The following VEPH1 variants were observed in gnomAD, a reference collection of about 807,000 sequenced individuals.
VEPH1 encodes the protein ventricular zone expressed PH domain containing 1, also known as ventricular zone-expressed PH domain-containing protein homolog 1.
In VEPH1, 80 loss-of-function variants were observed where a neutral mutation model predicts 85.2. The ratio of observed to expected loss-of-function variants is 0.94; its 90% CI spans 0.78 to 1.13. VEPH1 has a LOEUF of 1.13. VEPH1 is among the 50% of genes most tolerant of loss of function. VEPH1 has a pLI of 0.00. For synonymous variants in VEPH1, 297 were observed against 348.0 expected, an observed-to-expected ratio of 0.85 and a Z score of 1.63; for missense variants, 955 against 980.5, an observed-to-expected ratio of 0.97 and a Z score of 0.35.
At chr3:157,437,088 T>G in intron 4 of VEPH1, 1 of 1,610,924 alleles carries the variant, frequency 6.2e-7, no homozygotes. Context: ...ACTGTTTCTC[T>G]GCTAACCCTG....
intron 9 of VEPH1, among the ~76,000 whole-genome samples, chr3:157,332,737 C>A (rs1415687199): frequency 6.6e-6 from 1 of 152,106 alleles, no homozygotes; most frequent in African/African-American, 2.4e-5. Context: ...CACTTGTTTT[C>A]AATTCTTTGG....
chr3:157,381,116 G>A, intron 7 of VEPH1, 40 bp downstream of exon 7: 1 of 1,602,680 alleles, frequency 6.2e-7, no homozygotes, highest in Non-Finnish European at 8.5e-7. Flanking sequence ...CCCCACAGGT[G>A]CACAGCAGCT....
chr3:157,361,071 T>C (rs1726001766), intron 9 of VEPH1, among the ~76,000 whole-genome samples: 1 of 152,212 alleles, frequency 6.6e-6, no homozygotes, highest in Non-Finnish European at 1.5e-5. Context: ...ACTTAATCTC[T>C]CTTATATTAA....
intron 6 of VEPH1, among the ~76,000 whole-genome samples, chr3:157,399,654 G>T (rs980301832): frequency 6.6e-6 from 1 of 151,994 alleles, no homozygotes. Context: ...AGTATGCCAC[G>T]CAGACAAGAA....
intron 4 of VEPH1, among the ~76,000 whole-genome samples, chr3:157,434,470 C>A (rs1224450955): frequency 6.6e-6 from 1 of 152,032 alleles, no homozygotes; most frequent in African/African-American, 2.4e-5. Flanking sequence ...TATCACCACA[C>A]CAGATTAATT....
At chr3:157,330,771 T>C (rs1465637071) in intron 9 of VEPH1, among the ~76,000 whole-genome samples, 1 of 152,012 alleles carries the variant, frequency 6.6e-6, no homozygotes, top group African/African-American at 2.4e-5. Context: ...CCATGGCAGG[T>C]TTTGCCCCAG....
At chr3:157,327,402 G>A (rs897950975) in intron 9 of VEPH1, among the ~76,000 whole-genome samples, 17 of 152,106 alleles carry the variant, frequency 1.1e-4, no homozygotes, top group Non-Finnish European at 2.5e-4. Flanking sequence ...ACTACCCAGT[G>A]GTTGGTTGCT....
At chr3:157,312,001 A>C (rs1463294193) in intron 11 of VEPH1, among the ~76,000 whole-genome samples, 1 of 152,242 alleles carries the variant, frequency 6.6e-6, no homozygotes, top group Non-Finnish European at 1.5e-5. Flanking sequence ...GAGCATTACA[A>C]ATAAACTTCT....
At chr3:157,294,554 T>C (rs1717898985) in intron 11 of VEPH1, among the ~76,000 whole-genome samples, 1 of 152,216 alleles carries the variant, frequency 6.6e-6, no homozygotes, top group Admixed American at 6.5e-5. Context: ...CACCTAACCA[T>C]TTCCTTAGTG....
chr3:157,389,419 G>A (rs991210632), intron 6 of VEPH1, among the ~76,000 whole-genome samples: 1 of 152,160 alleles, frequency 6.6e-6, no homozygotes, highest in Non-Finnish European at 1.5e-5. Flanking sequence ...CAGTATGAGA[G>A]CTGAACCAAG....
At chr3:157,365,710 T>C (rs1373575803) in intron 7 of VEPH1, among the ~76,000 whole-genome samples, 2 of 152,056 alleles carry the variant, frequency 1.3e-5, no homozygotes, top group African/African-American at 2.4e-5. Flanking sequence ...TATTATTGGG[T>C]TTATTATAAA....
At chr3:157,365,932 C>T (rs1450349854) in intron 7 of VEPH1, among the ~76,000 whole-genome samples, 2 of 152,144 alleles carry the variant, frequency 1.3e-5, no homozygotes, top group African/African-American at 4.8e-5. Flanking sequence ...GCGGTTAACT[C>T]GATCTTCAGC....
intron 9 of VEPH1, among the ~76,000 whole-genome samples, chr3:157,345,743 C>A (rs145632016): frequency 1.3e-5 from 2 of 152,100 alleles, no homozygotes; most frequent in South Asian, 4.2e-4. Context: ...ATGTTCATTG[C>A]GGCACTATTC....
At position 157,378,306 on chromosome 3, in the gene VEPH1, GTATATATATATATATA is replaced by G. The variant is rs56800722; in HGVS notation, c.1127+2834_1127+2849del. Among the ~76,000 whole-genome samples, 577 of 94,586 alleles carry G rather than the reference GTATATATATATATATA, an allele frequency of 6.1e-3. 1 individual carries two copies. Among genetic ancestry groups the G allele is most frequent in the East Asian group, 8.4e-3 (28 of 3,336 alleles). 62.1% of individuals were successfully genotyped at this position (94,586 alleles called of 152,430 possible). A position where few individuals can be genotyped will look rare whatever the true frequency, so the allele number is the denominator to read the frequency against. On this transcript the variant is annotated intron_variant, in intron 7 of 13. Coordinates refer to ENST00000362010, the MANE Select transcript of VEPH1 (RefSeq NM_001167912.2). ...TCTATGAAAATGCTATTTTTGAATGGTATATATATATATATATATATATATATATATATATATATAT... is the reference window on the plus strand; with the variant it reads ...TCTATGAAAATGCTATTTTTGAATGGTATATATATATATATATATATATAT...
At chr3:157,355,397 A>T (rs1185161505) in intron 9 of VEPH1, among the ~76,000 whole-genome samples, 1 of 152,228 alleles carries the variant, frequency 6.6e-6, no homozygotes, top group East Asian at 1.9e-4. Flanking sequence ...TCCAAAGCAT[A>T]TCCAGAGAAT....
intron 11 of VEPH1, among the ~76,000 whole-genome samples, chr3:157,297,340 C>T (rs962876020): frequency 7.9e-5 from 12 of 152,054 alleles, no homozygotes; most frequent in Admixed American, 2.0e-4. Context: ...AACCTAGGAG[C>T]GCTGGATTTA....
At chr3:157,378,854 C>G (rs1287613542) in intron 7 of VEPH1, among the ~76,000 whole-genome samples, 1 of 152,108 alleles carries the variant, frequency 6.6e-6, no homozygotes, top group African/African-American at 2.4e-5. Context: ...TCATCCACCC[C>G]CCTCTTCTTC....
intron 9 of VEPH1, among the ~76,000 whole-genome samples, chr3:157,345,305 T>C (rs1428813099): frequency 6.6e-6 from 1 of 152,242 alleles, no homozygotes; most frequent in East Asian, 1.9e-4. Flanking sequence ...ATCCAGAATC[T>C]ACAAAGAACT....
chr3:157,304,393 T>C (rs1577292542), intron 11 of VEPH1, among the ~76,000 whole-genome samples: 2 of 152,184 alleles, frequency 1.3e-5, no homozygotes, highest in African/African-American at 4.8e-5. Context: ...TTCTGCAGCA[T>C]ACAACATTTC....
Sources: allele counts gnomAD v4.1 joint callset (sites outside exome capture counted in the v4.1 genomes callset), GRCh38; gene constraint gnomAD v4.1.1; transcripts MANE v1.5; gene names NCBI Gene and HGNC (gene_info 2026-07-23, HGNC 2026-07-21).